FAM171A1: variants seen among roughly 807,000 people sequenced by gnomAD.
FAM171A1 encodes the protein protein FAM171A1.
Under a neutral mutation model 74.9 loss-of-function variants are expected in FAM171A1, and 23 were observed. That is an observed-to-expected ratio of 0.31 (90% CI 0.22 to 0.44). The LOEUF (loss-of-function observed/expected upper bound fraction) is 0.44, where lower values mean the gene tolerates loss of function less well. Ranked by LOEUF, FAM171A1 falls within the 20% of genes least tolerant of loss-of-function variation. FAM171A1 has a pLI of 1.00. For missense variants in FAM171A1, 1,162 were observed against 1,159.2 expected (o/e 1.00, Z -0.03); for synonymous variants, 527 against 505.7 (o/e 1.04, Z -0.57).
At chr10:15,281,088 G>C (rs1053614590) in intron 2 of FAM171A1, among the ~76,000 whole-genome samples, 3 of 152,146 alleles carry the variant, frequency 2.0e-5, no homozygotes, top group Non-Finnish European at 4.4e-5. Context: ...GTTCTCACGA[G>C]ACCTGGTTGT....
intron 5 of FAM171A1, among the ~76,000 whole-genome samples, chr10:15,238,385 G>A (rs72776160): frequency 0.015 from 2,237 of 152,186 alleles, 28 homozygotes; most frequent in Non-Finnish European, 0.025. Flanking sequence ...AGGTGCCTTC[G>A]CTACAATTGA....
chr10:15,222,538 T>G (rs1439420553), intron 5 of FAM171A1, among the ~76,000 whole-genome samples: 1 of 152,226 alleles, frequency 6.6e-6, no homozygotes. Context: ...TCATTGTACA[T>G]GTAGTTCATC....
At chr10:15,215,895 A>G in intron 7 of FAM171A1, 101 bp downstream of exon 7, 1 of 684,532 alleles carries the variant, frequency 1.5e-6, no homozygotes, top group Non-Finnish European at 2.3e-6. Flanking sequence ...CAATTTAGAA[A>G]AATTAAAAAA....
At chr10:15,341,062 A>C (rs1029584645) in intron 1 of FAM171A1, among the ~76,000 whole-genome samples, 2 of 152,222 alleles carry the variant, frequency 1.3e-5, no homozygotes, top group Non-Finnish European at 2.9e-5. Flanking sequence ...GCACACCTAC[A>C]AGTGATAGTG....
chr10:15,308,445 T>G (rs1292811253), intron 1 of FAM171A1, among the ~76,000 whole-genome samples: 1 of 152,194 alleles, frequency 6.6e-6, no homozygotes, highest in Non-Finnish European at 1.5e-5. Flanking sequence ...TCGGACATCT[T>G]ATCTTGACAA....
intron 3 of FAM171A1, among the ~76,000 whole-genome samples, chr10:15,256,756 T>C (rs183945541): frequency 6.6e-6 from 1 of 152,206 alleles, no homozygotes; most frequent in African/African-American, 2.4e-5. Context: ...CTGTGGAGAG[T>C]TCAAATTCCT....
intron 1 of FAM171A1, among the ~76,000 whole-genome samples, chr10:15,284,616 G>A (rs1459589634): frequency 6.6e-6 from 1 of 152,148 alleles, no homozygotes; most frequent in Non-Finnish European, 1.5e-5. Context: ...GTTTTGCCAT[G>A]TTGCAAAGGC....
chr10:15,282,089 T>C (rs1261423036), intron 2 of FAM171A1, among the ~76,000 whole-genome samples: 2 of 152,204 alleles, frequency 1.3e-5, no homozygotes, highest in Non-Finnish European at 2.9e-5. Context: ...TATTTACTTA[T>C]TTATTTTTAG....
At chr10:15,359,878 C>T (rs1231754796) in intron 1 of FAM171A1, among the ~76,000 whole-genome samples, 2 of 152,164 alleles carry the variant, frequency 1.3e-5, no homozygotes, top group African/African-American at 2.4e-5. Context: ...ACAGGGACTC[C>T]ATCCTGAATT....
chr10:15,234,410 G>A (rs540516220), intron 5 of FAM171A1, among the ~76,000 whole-genome samples: 1 of 152,274 alleles, frequency 6.6e-6, no homozygotes, highest in African/African-American at 2.4e-5. Flanking sequence ...TGGACAAAAC[G>A]CACAAGCAAA....
chr10:15,265,275 G>C (rs1834724367), intron 3 of FAM171A1, among the ~76,000 whole-genome samples: 1 of 151,980 alleles, frequency 6.6e-6, no homozygotes, highest in Non-Finnish European at 1.5e-5. Flanking sequence ...GTGCGTGTGT[G>C]TTTGTGTGTG....
intron 3 of FAM171A1, among the ~76,000 whole-genome samples, chr10:15,274,636 T>C (rs928513778): frequency 6.6e-5 from 10 of 152,204 alleles, no homozygotes; most frequent in Admixed American, 1.3e-4. Context: ...CTTCAAACTA[T>C]ACTACAAGGT....
At chr10:15,279,235 C>G (rs1224477205) in intron 2 of FAM171A1, among the ~76,000 whole-genome samples, 4 of 152,230 alleles carry the variant, frequency 2.6e-5, no homozygotes, top group African/African-American at 9.6e-5. Flanking sequence ...GGCAGCTGCT[C>G]TGGCAAATTG....
intron 1 of FAM171A1, among the ~76,000 whole-genome samples, chr10:15,324,897 T>A (rs557651003): frequency 6.6e-6 from 1 of 152,174 alleles, no homozygotes; most frequent in Non-Finnish European, 1.5e-5. Context: ...TTCCAATCAC[T>A]GAGTAGAAAC....
chr10:15,312,667 C>CTG (rs1564274229), intron 1 of FAM171A1, among the ~76,000 whole-genome samples: 74 of 101,122 alleles, frequency 7.3e-4, no homozygotes, highest in Middle Eastern at 8.3e-3. Flanking sequence ...GAGTTCAGCA[C>CTG]TGTGTGTTTT....
intron 1 of FAM171A1, among the ~76,000 whole-genome samples, chr10:15,323,346 G>A (rs1198021211): frequency 6.6e-6 from 1 of 151,986 alleles, no homozygotes; most frequent in Non-Finnish European, 1.5e-5. Flanking sequence ...CCAGCTACTT[G>A]GGAAGCTGAG....
chr10:15,216,560 A>G (rs943420276), intron 6 of FAM171A1, among the ~76,000 whole-genome samples: 1 of 152,014 alleles, frequency 6.6e-6, no homozygotes. Context: ...CCTCCAGCAT[A>G]GCTGGGACTA....
chr10:15,223,510 T>C (rs1834066345), intron 5 of FAM171A1, among the ~76,000 whole-genome samples: 1 of 152,246 alleles, frequency 6.6e-6, no homozygotes. Flanking sequence ...TCCTGCTCAT[T>C]CATGAATGCA....
At chr10:15,350,960 T>A (rs1271631189) in intron 1 of FAM171A1, among the ~76,000 whole-genome samples, 2 of 152,208 alleles carry the variant, frequency 1.3e-5, no homozygotes, top group East Asian at 3.9e-4. Flanking sequence ...TCTACATGAT[T>A]AATTCTTAGC....
Sources: gnomAD v4.1 joint callset for allele counts (sites outside exome capture counted in the v4.1 genomes callset) on GRCh38, gnomAD v4.1.1 for gene constraint, MANE v1.5 for transcripts, NCBI Gene and HGNC (gene_info 2026-07-23, HGNC 2026-07-21) for gene names.